Variants in GRAMD1C observed in about 807,000 individuals in gnomAD.
GRAMD1C encodes the protein protein Aster-C.
Under a neutral mutation model 97.8 loss-of-function variants are expected in GRAMD1C, and 89 were observed. The ratio of observed to expected loss-of-function variants is 0.91; its 90% CI spans 0.77 to 1.09. The LOEUF is 1.09. Among genes scored for constraint, GRAMD1C ranks in the 50% least tolerant of loss-of-function variants. The probability of loss-of-function intolerance (pLI) is 0.00; values close to 1 mark genes in which losing one functional copy is unlikely to be tolerated. For missense variants in GRAMD1C, 740 were observed against 766.4 expected (o/e 0.97, Z 0.41); for synonymous variants, 256 against 267.0 (o/e 0.96, Z 0.40).
chr3:113,875,689 A>G, intron 4 of GRAMD1C, 102 bp downstream of exon 4: 2 of 641,340 alleles, frequency 3.1e-6, no homozygotes, highest in South Asian at 1.9e-5. Flanking sequence ...GTAAATTTAT[A>G]TATATTTGTG....
chr3:113,893,073 A>G (rs1016009368), intron 6 of GRAMD1C, among the ~76,000 whole-genome samples: 7 of 152,202 alleles, frequency 4.6e-5, no homozygotes, highest in Non-Finnish European at 7.3e-5. Context: ...ATGTATTTCT[A>G]TGGCTGCCTT....
chr3:113,920,225 AAG>A, intron 10 of GRAMD1C: 1 of 1,117,870 alleles, frequency 8.9e-7, no homozygotes, highest in Non-Finnish European at 1.3e-6. Context: ...CAAAAAAAAA[AAG>A]CAACAAATTC....
chr3:113,832,510 G>A (rs1468022599), intron 1 of GRAMD1C, among the ~76,000 whole-genome samples: 3 of 151,978 alleles, frequency 2.0e-5, no homozygotes, highest in South Asian at 2.1e-4. Flanking sequence ...GTGACATTAC[G>A]TGCATTTATA....
At chr3:113,872,482 C>T (rs1395770948) in intron 3 of GRAMD1C, among the ~76,000 whole-genome samples, 1 of 149,008 alleles carries the variant, frequency 6.7e-6, no homozygotes, top group Non-Finnish European at 1.5e-5. Flanking sequence ...GCAACCTCCA[C>T]CTCCCAGGTT....
intron 6 of GRAMD1C, among the ~76,000 whole-genome samples, chr3:113,889,633 A>G (rs148924910): frequency 6.6e-6 from 1 of 152,104 alleles, no homozygotes; most frequent in East Asian, 1.9e-4. Flanking sequence ...TCCTGCAGAT[A>G]AGAAAGCCTC....
chr3:113,917,186 A>G (rs1936843192), intron 10 of GRAMD1C, among the ~76,000 whole-genome samples: 1 of 149,076 alleles, frequency 6.7e-6, no homozygotes, highest in African/African-American at 2.5e-5. Context: ...AATTTATCCT[A>G]AATGTTTTTG....
intron 6 of GRAMD1C, chr3:113,897,399 G>A (rs1288114179): frequency 7.5e-6 from 2 of 265,312 alleles, no homozygotes; most frequent in Non-Finnish European, 1.2e-5. Context: ...GTAGAACAGA[G>A]AAAATTAGGA....
chr3:113,885,270 C>T (rs1335734172), intron 6 of GRAMD1C: 4 of 1,365,282 alleles, frequency 2.9e-6, no homozygotes, highest in Admixed American at 1.9e-5. Flanking sequence ...TGGGGGCCTC[C>T]GGGGCCGGCG....
intron 6 of GRAMD1C, among the ~76,000 whole-genome samples, chr3:113,897,986 T>G (rs1333526404): frequency 6.6e-6 from 1 of 152,194 alleles, no homozygotes; most frequent in Non-Finnish European, 1.5e-5. Flanking sequence ...CTGGACAACT[T>G]TATAGAAAAC....
chr3:113,885,345 C>A (rs546318102), intron 6 of GRAMD1C: 1 of 1,592,202 alleles, frequency 6.3e-7, no homozygotes, highest in East Asian at 2.2e-5. Context: ...TCGTGGCCTT[C>A]GCTGCCAAGC....
At chr3:113,843,766 T>C (rs1355322119) in intron 1 of GRAMD1C, among the ~76,000 whole-genome samples, 1 of 152,174 alleles carries the variant, frequency 6.6e-6, no homozygotes, top group African/African-American at 2.4e-5. Context: ...CTGGCACATC[T>C]TATTTGTTTG....
chr3:113,946,049 A>T lies in GRAMD1C; in HGVS notation c.*571A>T, dbSNP rs1938057896. The stretch of plus-strand genomic sequence containing the variant: ...TTTTTGAATCTGCATGTTGATGATG[A>T]TTATCAGAAAGGGTCTTCTGCCATG... On this transcript the variant is annotated 3_prime_UTR_variant, in exon 18 of 18. Coordinates refer to ENST00000358160, the MANE Select transcript of GRAMD1C (RefSeq NM_017577.5). 6.6e-6 allele frequency: 1 copy of T among 152,380 alleles called. No individual in the cohort carries two copies. The highest frequency in any genetic ancestry group is 2.4e-5 in the African/African-American group (1 of 41,458). The allele number at this position is 152,380 out of a possible 1,614,324, so 9.4% of individuals were successfully genotyped here.
intron 8 of GRAMD1C, among the ~76,000 whole-genome samples, chr3:113,907,077 A>C (rs1936398464): frequency 6.6e-6 from 1 of 152,172 alleles, no homozygotes; most frequent in African/African-American, 2.4e-5. Context: ...TACATTTCTC[A>C]TAATGTATCC....
upstream of GRAMD1C, among the ~76,000 whole-genome samples, chr3:113,834,465 C>T (rs1324231171): frequency 6.6e-6 from 1 of 151,986 alleles, no homozygotes; most frequent in Non-Finnish European, 1.5e-5. Flanking sequence ...AGGCATGAGC[C>T]ACCGCACCCA....
At chr3:113,832,246 T>C (rs1187309549) in intron 1 of GRAMD1C, among the ~76,000 whole-genome samples, 1 of 152,124 alleles carries the variant, frequency 6.6e-6, no homozygotes, top group Non-Finnish European at 1.5e-5. Context: ...CCGGTTGGTC[T>C]TGAACTCCTG....
At chr3:113,890,396 C>A (rs911461178) in intron 6 of GRAMD1C, among the ~76,000 whole-genome samples, 3 of 152,242 alleles carry the variant, frequency 2.0e-5, no homozygotes, top group Non-Finnish European at 4.4e-5. Context: ...GCAGGTCCTG[C>A]AGTGCATGTC....
chr3:113,906,402 C>T (rs1374160149), intron 8 of GRAMD1C, among the ~76,000 whole-genome samples: 1 of 151,764 alleles, frequency 6.6e-6, no homozygotes, highest in East Asian at 1.9e-4. Flanking sequence ...CTGTGTAGGC[C>T]TAGGCTAACG....
rs75369430 is a variant in GRAMD1C, at chr3:113,930,996, G to C, written c.1209+164G>C. On this transcript the variant is annotated intron_variant, in intron 11 of 17. Transcript: ENST00000358160. ...AAGAGACTTAAAAGGCATATGAATC[G>C]TATCAACCCACTCCTAATTCAAACA... Among the ~76,000 whole-genome samples, 3 of 152,284 alleles carry C rather than the reference G, an allele frequency of 2.0e-5. No individual in the cohort carries two copies. In the South Asian group the frequency reaches 6.2e-4, roughly 32 times the overall value.
At chr3:113,933,453 C>G (rs1937513012) in intron 11 of GRAMD1C, 58 bp from the exon 12 acceptor site, 4 of 1,216,740 alleles carry the variant, frequency 3.3e-6, no homozygotes, top group Non-Finnish European at 4.8e-6. Flanking sequence ...TCTAAATTGG[C>G]AAGAAGATTC....
Sources: gnomAD v4.1 joint callset for allele counts (sites outside exome capture counted in the v4.1 genomes callset) on GRCh38, gnomAD v4.1.1 for gene constraint, MANE v1.5 for transcripts, NCBI Gene and HGNC (gene_info 2026-07-23, HGNC 2026-07-21) for gene names.